The following PTPRT variants were observed in gnomAD, a reference collection of about 807,000 sequenced individuals.
The protein encoded by PTPRT is receptor-type tyrosine-protein phosphatase T.
PTPRT carries 56 observed loss-of-function variants against 176.8 expected under a neutral mutation model. The observed-to-expected ratio is 0.32, with a 90% CI of 0.26 to 0.40. PTPRT has a LOEUF of 0.40. Ranked by LOEUF, PTPRT falls within the 10% of genes least tolerant of loss-of-function variation. The pLI is 1.00. For synonymous variants in PTPRT, 783 were observed against 739.0 expected (o/e 1.06, Z -0.96); for missense variants, 1,540 against 1,908.2 (o/e 0.81, Z 3.60).
At chr20:42,910,433 G>C (rs975836264) in intron 1 of PTPRT, among the ~76,000 whole-genome samples, 1 of 152,110 alleles carries the variant, frequency 6.6e-6, no homozygotes, top group African/African-American at 2.4e-5. Context: ...CCTATTTTGG[G>C]GGGAAAAACT....
chr20:42,234,707 A>T (rs1031009020), intron 15 of PTPRT, among the ~76,000 whole-genome samples: 2 of 152,172 alleles, frequency 1.3e-5, no homozygotes, highest in African/African-American at 4.8e-5. Flanking sequence ...CCATTTCTTC[A>T]TCCACACCAT....
At chr20:42,620,615 C>G (rs542571598) in intron 7 of PTPRT, among the ~76,000 whole-genome samples, 25 of 152,250 alleles carry the variant, frequency 1.6e-4, no homozygotes, top group Admixed American at 1.4e-3. Flanking sequence ...TAGGACCCTC[C>G]GAGCCAGGTG....
In PTPRT at chr20:42,118,566, C is replaced by T. The variant is rs79063821; in HGVS notation, c.2885-66G>A. On this transcript the variant is annotated intron_variant, in intron 20 of 30. Coordinates refer to ENST00000373187, the MANE Select transcript of PTPRT (RefSeq NM_007050.6). ...CAAAGCAGCAGCTGAGAAGGTTTGT[C>T]CCCCCGGTTGGTCAAGTCTCCACAC... The T allele has an allele frequency of 2.1e-4, 300 of 1,433,690 alleles. 5 individuals are homozygous for T. The East Asian group carries it at 6.5e-3, about 31-fold the overall frequency. The allele number at this position is 1,433,690 out of a possible 1,614,324, so 88.8% of individuals were successfully genotyped here.
chr20:43,113,776 C>T (rs534835039), intron 1 of PTPRT, among the ~76,000 whole-genome samples: 249 of 152,302 alleles, frequency 1.6e-3, no homozygotes, highest in Non-Finnish European at 1.8e-3. Flanking sequence ...AAACATGCCA[C>T]CACACCTATA....
At chr20:42,852,004 T>C (rs1016430622) in intron 2 of PTPRT, among the ~76,000 whole-genome samples, 2 of 152,244 alleles carry the variant, frequency 1.3e-5, no homozygotes, top group Non-Finnish European at 2.9e-5. Context: ...ATTTTCATTA[T>C]CTTATTTTGT....
intron 7 of PTPRT, among the ~76,000 whole-genome samples, chr20:42,622,074 G>A (rs572515094): frequency 1.3e-5 from 2 of 152,134 alleles, no homozygotes; most frequent in African/African-American, 4.8e-5. Context: ...CTAAAGGACA[G>A]GGCTCTCCTT....
chr20:42,266,007 G>A (rs1359377721), intron 13 of PTPRT, among the ~76,000 whole-genome samples: 1 of 152,078 alleles, frequency 6.6e-6, no homozygotes, highest in Non-Finnish European at 1.5e-5. Context: ...TTTAACATGA[G>A]GTACACAGGA....
chr20:42,707,114 G>A (rs1202862237), intron 6 of PTPRT, among the ~76,000 whole-genome samples: 2 of 152,208 alleles, frequency 1.3e-5, no homozygotes, highest in Non-Finnish European at 2.9e-5. Context: ...CTAACACCTT[G>A]CTGTCAGACT....
chr20:42,675,404 G>T (rs2075485079), intron 7 of PTPRT, among the ~76,000 whole-genome samples: 2 of 152,136 alleles, frequency 1.3e-5, no homozygotes, highest in East Asian at 3.8e-4. Flanking sequence ...ATATATCGTA[G>T]GCAATCTTAC....
intron 13 of PTPRT, among the ~76,000 whole-genome samples, chr20:42,281,417 C>A (rs533861617): frequency 9.2e-5 from 14 of 152,214 alleles, no homozygotes; most frequent in Non-Finnish European, 1.8e-4. Flanking sequence ...TTTGTGCCTA[C>A]ATATTGGGCT....
chr20:42,118,516 A>G lies in PTPRT; in HGVS notation c.2885-16T>C. Reference sequence around the variant, plus strand: ...TGCATCGGACCTGCCAACAGAGAAGACAGTGAGGTTAGAGAATGCAAGTGC... The same window carrying G: ...TGCATCGGACCTGCCAACAGAGAAGGCAGTGAGGTTAGAGAATGCAAGTGC... On this transcript the variant is annotated splice_polypyrimidine_tract_variant and intron_variant, in intron 20 of 30. Coordinates refer to ENST00000373187, the MANE Select transcript of PTPRT (RefSeq NM_007050.6). 5 of 1,595,872 alleles carry G rather than the reference A, an allele frequency of 3.1e-6. No homozygotes were observed. Among genetic ancestry groups the G allele is most frequent in the Non-Finnish European group, 4.3e-6 (5 of 1,170,212 alleles).
chr20:42,236,703 C>A (rs534481686), intron 14 of PTPRT, among the ~76,000 whole-genome samples: 3 of 150,622 alleles, frequency 2.0e-5, no homozygotes, highest in Admixed American at 6.7e-5. Flanking sequence ...GTCCTGTGAT[C>A]TAAGCAACAC....
chr20:42,131,917 C>G (rs1256621600), intron 18 of PTPRT, among the ~76,000 whole-genome samples: 2 of 152,130 alleles, frequency 1.3e-5, no homozygotes, highest in African/African-American at 2.4e-5. Flanking sequence ...CTGAAAAAAG[C>G]AAGCACCGTG....
At chr20:42,642,036 C>T (rs2074767818) in intron 7 of PTPRT, among the ~76,000 whole-genome samples, 1 of 152,102 alleles carries the variant, frequency 6.6e-6, no homozygotes, top group African/African-American at 2.4e-5. Flanking sequence ...TTATTAAATC[C>T]AACTCAGCAA....
At chr20:42,849,955 T>G (rs1327295800) in intron 2 of PTPRT, among the ~76,000 whole-genome samples, 1 of 152,166 alleles carries the variant, frequency 6.6e-6, no homozygotes, top group Non-Finnish European at 1.5e-5. Context: ...TCCTTCTGGG[T>G]CCAGGTTTCA....
intron 7 of PTPRT, among the ~76,000 whole-genome samples, chr20:42,657,508 G>A (rs1194493184): frequency 6.6e-6 from 1 of 152,070 alleles, no homozygotes; most frequent in Non-Finnish European, 1.5e-5. Context: ...CCTGGGATTG[G>A]CCTCTCTTGT....
chr20:42,479,505 C>T (rs126180), intron 7 of PTPRT, among the ~76,000 whole-genome samples: 11,955 of 152,130 alleles, frequency 0.079, 514 homozygotes, highest in Middle Eastern at 0.1. Context: ...AAATGATACA[C>T]GAAGGGAATA....
At chr20:42,319,157 G>A (rs751955510) in intron 11 of PTPRT, among the ~76,000 whole-genome samples, 3 of 152,088 alleles carry the variant, frequency 2.0e-5, no homozygotes, top group Non-Finnish European at 2.9e-5. Flanking sequence ...TCAAAAGCCA[G>A]ATTACACATG....
In PTPRT at chr20:42,604,072, G is replaced by A. The variant is rs185105676; in HGVS notation, c.1153+73794C>T. ...ATCACTGACAAATACACCAAGTGTCGGCAAACAGTTCTCAGTGTCTTGGCA... is the reference window on the plus strand; with the variant it reads ...ATCACTGACAAATACACCAAGTGTCAGCAAACAGTTCTCAGTGTCTTGGCA... On this transcript the variant is annotated intron_variant, in intron 7 of 30. Transcript: ENST00000373187. Among the ~76,000 whole-genome samples the A allele has an allele frequency of 2.4e-4, 36 of 152,232 alleles. No individual in the cohort carries two copies. The East Asian group carries it at 5.8e-3, about 24-fold the overall frequency.
Sources: gnomAD v4.1 joint callset for allele counts (sites outside exome capture counted in the v4.1 genomes callset) on GRCh38, gnomAD v4.1.1 for gene constraint, MANE v1.5 for transcripts, NCBI Gene and HGNC (gene_info 2026-07-23, HGNC 2026-07-21) for gene names.